ERMARD: variants seen among roughly 807,000 people sequenced by gnomAD.
The protein encoded by ERMARD is ER membrane associated RNA degradation.
A neutral mutation model predicts 83.9 loss-of-function variants in ERMARD; 71 were observed. That is an observed-to-expected ratio of 0.85 (90% CI 0.70 to 1.03). The LOEUF (loss-of-function observed/expected upper bound fraction) is 1.03. ERMARD is among the 50% of genes least tolerant of loss of function. ERMARD has a pLI of 0.00. For missense variants in ERMARD, 838 were observed against 810.9 expected, an observed-to-expected ratio of 1.03 and a Z score of -0.41; for synonymous variants, 284 against 298.6, an observed-to-expected ratio of 0.95 and a Z score of 0.50.
chr6:169,751,955 G>C, intron 1 of ERMARD: 1 of 440,514 alleles, frequency 2.3e-6, no homozygotes, highest in Non-Finnish European at 3.9e-6. Flanking sequence ...AGGGCTGTGC[G>C]CGGTGGCGCG....
upstream of ERMARD, chr6:169,751,370 T>G (rs547743198): frequency 2.2e-5 from 35 of 1,614,090 alleles, 1 homozygote; most frequent in South Asian, 3.7e-4. Flanking sequence ...AGGCCTCCTT[T>G]CTTTCCTAGG....
chr6:169,763,611 G>A (rs1275739764), intron 9 of ERMARD, among the ~76,000 whole-genome samples: 4 of 152,210 alleles, frequency 2.6e-5, no homozygotes, highest in South Asian at 2.1e-4. Flanking sequence ...TCGGATTCTC[G>A]TCTCTTTCTC....
chr6:169,768,049 G>A, intron 10 of ERMARD, 54 bp from the exon 11 acceptor site: 1 of 1,437,634 alleles, frequency 7.0e-7, no homozygotes, highest in Non-Finnish European at 9.8e-7. Flanking sequence ...TGAAAGTTCT[G>A]TATGTTTATG....
chr6:169,751,707 G>T (rs1790119955), intron 1 of ERMARD, 44 bp downstream of exon 1: 3 of 1,530,358 alleles, frequency 2.0e-6, no homozygotes, highest in Non-Finnish European at 2.6e-6. Flanking sequence ...GCTAGGCAGG[G>T]AGTCGGCGCC....
In ERMARD at chr6:169,754,012, G is replaced by A. The variant is rs752086371; in HGVS notation, c.155G>A (p.Cys52Tyr). The change falls in exon 2 of 18, where the codon TGT becomes TAT. Residue 52 changes from cysteine to tyrosine, a missense_variant. Coordinates refer to ENST00000366773, the MANE Select transcript of ERMARD (RefSeq NM_018341.3). ...GTATGCTGGAAAACAATCACAGACT[G>A]TGTGAGCTACACAGAGTCAGGTTTG... is the stretch of plus-strand genomic sequence containing the variant. ...GEVCWKTITD[C>Y]VSYTESEQGL... 12 of 1,612,728 alleles carry A rather than the reference G, an allele frequency of 7.4e-6. 1 individual carries two copies. The highest frequency in any genetic ancestry group is 1.0e-5 in the Non-Finnish European group (12 of 1,179,276).
chr6:169,763,000 A>G (rs1291834410), intron 9 of ERMARD, among the ~76,000 whole-genome samples: 1 of 152,176 alleles, frequency 6.6e-6, no homozygotes, highest in African/African-American at 2.4e-5. Flanking sequence ...CCTTTGTCTC[A>G]GTTTCTTGAG....
At chr6:169,761,831 C>T (rs1166162299) in intron 8 of ERMARD, among the ~76,000 whole-genome samples, 1 of 151,892 alleles carries the variant, frequency 6.6e-6, no homozygotes, top group Non-Finnish European at 1.5e-5. Flanking sequence ...TATAGGCATG[C>T]ACCACCACGC....
intron 1 of ERMARD, among the ~76,000 whole-genome samples, chr6:169,753,658 C>T (rs1296558928): frequency 6.6e-6 from 1 of 151,764 alleles, no homozygotes; most frequent in Non-Finnish European, 1.5e-5. Context: ...GTCTTTAAGC[C>T]TTTATCATAT....
Position 169,766,672 on chromosome 6 carries a change from G to C in ERMARD, c.990+5G>C. ...CTTTATACCACCTTTGATCAAGTAA[G>C]TAAGTAAACTTGTAAGGTAACTTGA... On this transcript the variant is annotated splice_donor_5th_base_variant and intron_variant, in intron 10 of 17. Coordinates refer to ENST00000366773, the MANE Select transcript of ERMARD (RefSeq NM_018341.3). 1.3e-6 allele frequency: 2 copies of C among 1,571,200 alleles called. No individual in the cohort carries two copies. The highest frequency in any genetic ancestry group is 1.7e-6 in the Non-Finnish European group (2 of 1,168,258).
At chr6:169,759,383 A>G (rs922700335) in intron 6 of ERMARD, among the ~76,000 whole-genome samples, 2 of 152,002 alleles carry the variant, frequency 1.3e-5, no homozygotes, top group Non-Finnish European at 2.9e-5. Flanking sequence ...GTGCTGCCCA[A>G]CTACTGCACA....
At chr6:169,781,277 C>T in intron 17 of ERMARD, 53 bp from the exon 18 acceptor site, 2 of 1,472,620 alleles carry the variant, frequency 1.4e-6, no homozygotes, top group Admixed American at 2.6e-5. Flanking sequence ...ACATTTAATT[C>T]ATTGTTTCAT....
At chr6:169,767,041 C>G (rs535630504) in intron 10 of ERMARD, 1 of 173,200 alleles carries the variant, frequency 5.8e-6, no homozygotes, top group Non-Finnish European at 1.2e-5. Context: ...TGCATGTTGG[C>G]GGTGTGAATA....
At chr6:169,776,993 G>A (rs1465734045) in intron 16 of ERMARD, among the ~76,000 whole-genome samples, 1 of 152,216 alleles carries the variant, frequency 6.6e-6, no homozygotes, top group African/African-American at 2.4e-5. Context: ...CAGTCCGCAG[G>A]TGTAAGGTGT....
chr6:169,774,030 C>T (rs1259199720), intron 13 of ERMARD, among the ~76,000 whole-genome samples: 1 of 152,178 alleles, frequency 6.6e-6, no homozygotes, highest in Non-Finnish European at 1.5e-5. Flanking sequence ...TTTGCAAAGG[C>T]ATTTTAAAGA....
rs757825188 is a variant in ERMARD, at chr6:169,775,936, T to A, written c.1395-4T>A. The A allele has an allele frequency of 6.2e-7, 1 of 1,613,950 alleles. No homozygotes were observed. The highest frequency in any genetic ancestry group is 2.2e-5 in the East Asian group (1 of 44,886). Reference sequence around the variant, plus strand: ...CGTATCTTTAAATATTTTCTGTTTTTCAGATTAGAAGATAATTCTGAAACA... The same window carrying A: ...CGTATCTTTAAATATTTTCTGTTTTACAGATTAGAAGATAATTCTGAAACA... On this transcript the variant is annotated splice_region_variant and splice_polypyrimidine_tract_variant and intron_variant, in intron 14 of 17. Transcript: ENST00000366773.
intron 10 of ERMARD, 44 bp downstream of exon 10, chr6:169,766,711 C>A (rs1418059193): frequency 6.5e-7 from 1 of 1,532,538 alleles, no homozygotes. Context: ...AAACAGAACG[C>A]TGTCTTCTTT....
At chr6:169,768,416 T>G (rs1011725072) in intron 11 of ERMARD, among the ~76,000 whole-genome samples, 4 of 152,206 alleles carry the variant, frequency 2.6e-5, no homozygotes, top group African/African-American at 9.7e-5. Flanking sequence ...TATTTGTTTT[T>G]TACATGTATT....
intron 9 of ERMARD, 128 bp from the exon 10 acceptor site, chr6:169,766,510 A>G (rs1792227399): frequency 1.6e-6 from 1 of 629,120 alleles, no homozygotes; most frequent in Non-Finnish European, 2.7e-6. Context: ...TTTCTAGATG[A>G]ATGTTTGTTT....
intron 10 of ERMARD, chr6:169,767,777 A>C: frequency 2.8e-6 from 1 of 351,120 alleles, no homozygotes; most frequent in Non-Finnish European, 5.3e-6. Context: ...ACACACACAC[A>C]CACAGGCACA....
Sources: gnomAD v4.1 joint callset for allele counts (sites outside exome capture counted in the v4.1 genomes callset) on GRCh38, gnomAD v4.1.1 for gene constraint, MANE v1.5 for transcripts, NCBI Gene and HGNC (gene_info 2026-07-23, HGNC 2026-07-21) for gene names.